GRID2IP: variants seen among roughly 807,000 people sequenced by gnomAD.
GRID2IP encodes the protein Grid2 interacting protein.
GRID2IP carries 78 observed loss-of-function variants against 114.3 expected under a neutral mutation model. The observed-to-expected ratio is 0.68, with a 90% CI of 0.57 to 0.82. The LOEUF (loss-of-function observed/expected upper bound fraction) is 0.82, where lower values mean the gene tolerates loss of function less well. GRID2IP is among the 40% of genes least tolerant of loss of function. The pLI is 0.00. For synonymous variants in GRID2IP, 809 were observed against 724.0 expected (o/e 1.12, Z -1.89); for missense variants, 1,727 against 1,678.5 (o/e 1.03, Z -0.51).
chr7:6,549,370 T>C (rs1276558570), intron 1 of GRID2IP, among the ~76,000 whole-genome samples: 1 of 152,236 alleles, frequency 6.6e-6, no homozygotes, highest in Non-Finnish European at 1.5e-5. Flanking sequence ...TGGGTTCTTC[T>C]TGTGGCTAGA....
chr7:6,536,515 C>T lies in GRID2IP; in HGVS notation c.584+3203G>A, dbSNP rs1354293189. Reference sequence around the variant, plus strand: ...GGGGCTGTCCCGGGGGGCAGGCGGGCTGGCCCGGGAGGGGGCAGGAACAGA... The same window carrying T: ...GGGGCTGTCCCGGGGGGCAGGCGGGTTGGCCCGGGAGGGGGCAGGAACAGA... On this transcript the variant is annotated intron_variant, in intron 2 of 21. Transcript: ENST00000457091. The surrounding 1 kb of genome is among the most constrained non-coding windows in gnomAD (Gnocchi z 5.3). Among the ~76,000 whole-genome samples the T allele has an allele frequency of 6.6e-6, 1 of 151,760 alleles. No individual in the cohort carries two copies. Among genetic ancestry groups the T allele is most frequent in the East Asian group, 2.0e-4 (1 of 5,096 alleles).
intron 8 of GRID2IP, among the ~76,000 whole-genome samples, chr7:6,513,566 G>A (rs1779222557): frequency 1.3e-5 from 2 of 152,240 alleles, no homozygotes; most frequent in African/African-American, 4.8e-5. Context: ...AGTACAGAGC[G>A]CAGCCACTGA....
At position 6,521,150 on chromosome 7, in the gene GRID2IP, T is replaced by C. The variant is rs774159590; in HGVS notation, c.1084+279A>G. Reference sequence around the variant, plus strand: ...CACGCCCAGCTAGTTTTTGTATTTTTAGTAGAGACAGAGTTGTGCCATGTT... The same window carrying C: ...CACGCCCAGCTAGTTTTTGTATTTTCAGTAGAGACAGAGTTGTGCCATGTT... On this transcript the variant is annotated intron_variant, in intron 6 of 21. Transcript: ENST00000457091. This position sits in a 1 kb window ranked among gnomAD's most constrained non-coding sequence, Gnocchi z 4.1. Among the ~76,000 whole-genome samples the C allele has an allele frequency of 6.6e-6, 1 of 152,130 alleles. No individual in the cohort carries two copies. The highest frequency in any genetic ancestry group is 1.5e-5 in the Non-Finnish European group (1 of 68,016).
intron 1 of GRID2IP, 36 bp downstream of exon 1, chr7:6,550,972 T>TG: frequency 1.8e-6 from 1 of 565,950 alleles, no homozygotes; most frequent in Non-Finnish European, 2.3e-6. Flanking sequence ...ATGAGCCCCC[T>TG]CCTTCCCGCC....
At position 6,509,225 on chromosome 7, in the gene GRID2IP, G is replaced by C; in HGVS notation, c.1860C>G (p.Ala620=). 1.3e-6 allele frequency: 2 copies of C among 1,506,834 alleles called. No homozygotes were observed. The highest frequency in any genetic ancestry group is 5.0e-5 in the East Asian group (2 of 40,094). 93.3% of individuals were successfully genotyped at this position (1,506,834 alleles called of 1,614,324 possible). A position where few individuals can be genotyped will look rare whatever the true frequency, so the allele number is the denominator to read the frequency against. The change falls in exon 12 of 22, where the codon GCC becomes GCG. Residue 620 remains alanine (A), a synonymous_variant. Transcript: ENST00000457091. This position sits in a 1 kb window ranked among gnomAD's most constrained non-coding sequence, Gnocchi z 4.9. ...CYHPLCSGGL[A]SPSSSESHPY... Reference sequence around the variant, plus strand: ...GGTGGGACTCAGAGCTGCTGGGGGAGGCCAGACCCCCCGAACACAGCGGGT... The same window carrying C: ...GGTGGGACTCAGAGCTGCTGGGGGACGCCAGACCCCCCGAACACAGCGGGT...
intron 4 of GRID2IP, among the ~76,000 whole-genome samples, chr7:6,524,921 T>G (rs942544285): frequency 6.6e-6 from 1 of 151,540 alleles, no homozygotes. Context: ...GGTTTCACCA[T>G]GTTAGCCAGG....
At chr7:6,499,247 T>A (rs1786345074) in intron 20 of GRID2IP, among the ~76,000 whole-genome samples, 1 of 152,090 alleles carries the variant, frequency 6.6e-6, no homozygotes. Context: ...CAGGGTCACA[T>A]CAATTAATGA....
intron 20 of GRID2IP, among the ~76,000 whole-genome samples, chr7:6,499,061 C>A (rs1786341325): frequency 6.6e-6 from 1 of 152,150 alleles, no homozygotes; most frequent in South Asian, 2.1e-4. Flanking sequence ...ATCATTTTTT[C>A]AGCACTTAAA....
At chr7:6,501,648 T>C (rs1786418238) in intron 20 of GRID2IP, 133 bp downstream of exon 20, 1 of 700,802 alleles carries the variant, frequency 1.4e-6, no homozygotes, top group Non-Finnish European at 2.6e-6. Context: ...CCAGGACCCC[T>C]GGGTGCACAG....
chr7:6,502,726 T>C (rs1786452655), intron 18 of GRID2IP, 60 bp downstream of exon 18: 5 of 1,250,630 alleles, frequency 4.0e-6, no homozygotes, highest in Non-Finnish European at 5.7e-6. Flanking sequence ...GAGCTAGGCC[T>C]GGCGTTAGCG....
intron 2 of GRID2IP, 100 bp downstream of exon 2, chr7:6,539,618 C>T: frequency 7.9e-6 from 9 of 1,141,714 alleles, no homozygotes; most frequent in Non-Finnish European, 1.1e-5. Context: ...TCTATTATCT[C>T]CCACCTGGGC....
At chr7:6,500,915 G>A (rs1213615493) in intron 20 of GRID2IP, among the ~76,000 whole-genome samples, 4 of 152,178 alleles carry the variant, frequency 2.6e-5, no homozygotes, top group African/African-American at 9.6e-5. Flanking sequence ...TGGCTGGTAG[G>A]GCCTGACAGG....
At chr7:6,530,649 T>C (rs963893889) in intron 2 of GRID2IP, among the ~76,000 whole-genome samples, 10 of 152,062 alleles carry the variant, frequency 6.6e-5, no homozygotes, top group African/African-American at 2.4e-4. Flanking sequence ...GGTTCCCTGG[T>C]TCAGTATAGG....
At position 6,502,817 on chromosome 7, in the gene GRID2IP, G is replaced by C; in HGVS notation, c.3119C>G (p.Thr1040Ser). The stretch of plus-strand genomic sequence containing the variant: ...CAGAAAGTTGATCTTGAAGCCCGTA[G>C]TCTTGTTGGTTTTGGGCTGTCCATC... ...LNDGQPKTNK[T>S]TGFKINFLTE... is the part of the protein sequence containing the mutation. The change falls in exon 18 of 22, where the codon ACT becomes AGT. Residue 1040 changes from threonine (T) to serine (S), a missense_variant. Thr to Ser is a moderately conservative substitution (Grantham distance 58). Transcript: ENST00000457091. The C allele has an allele frequency of 1.3e-6, 2 of 1,551,986 alleles. No homozygotes were observed. The highest frequency in any genetic ancestry group is 8.7e-7 in the Non-Finnish European group (1 of 1,146,974).
At position 6,528,931 on chromosome 7, in the gene GRID2IP, A is replaced by G. The variant is rs147028751; in HGVS notation, c.585-2162T>C. ...CCAGATGGTCATTTAAGGTCTCCAGAGCCTGACCGCTCCATCTGCCAGGCC... is the reference window on the plus strand; with the variant it reads ...CCAGATGGTCATTTAAGGTCTCCAGGGCCTGACCGCTCCATCTGCCAGGCC... On this transcript the variant is annotated intron_variant, in intron 2 of 21. Transcript: ENST00000457091. The surrounding 1 kb of genome is among the most constrained non-coding windows in gnomAD (Gnocchi z 6.0). Among the ~76,000 whole-genome samples the G allele has an allele frequency of 0.024, 3,636 of 152,186 alleles. 78 individuals are homozygous for G. The highest frequency in any genetic ancestry group is 0.041 in the Middle Eastern group (12 of 294).
At chr7:6,504,607 G>A (rs1441837223) in intron 15 of GRID2IP, among the ~76,000 whole-genome samples, 186 bp downstream of exon 15, 1 of 152,130 alleles carries the variant, frequency 6.6e-6, no homozygotes, top group East Asian at 1.9e-4. Flanking sequence ...TGAGGGTGGG[G>A]CCAGCACCCG....
At chr7:6,548,481 C>T (rs1364721659) in intron 1 of GRID2IP, among the ~76,000 whole-genome samples, 1 of 152,136 alleles carries the variant, frequency 6.6e-6, no homozygotes, top group African/African-American at 2.4e-5. Flanking sequence ...ATTAGAGTAT[C>T]TCAGATACCC....
At chr7:6,530,388 C>A (rs993211733) in intron 2 of GRID2IP, among the ~76,000 whole-genome samples, 2 of 151,990 alleles carry the variant, frequency 1.3e-5, no homozygotes, top group Admixed American at 1.3e-4. Flanking sequence ...CTCAGCCTCT[C>A]GAGTATCTGG....
chr7:6,536,613 G>T lies in GRID2IP; in HGVS notation c.584+3105C>A, dbSNP rs1779728151. On this transcript the variant is annotated intron_variant, in intron 2 of 21. Coordinates refer to ENST00000457091, the MANE Select transcript of GRID2IP (RefSeq NM_001145118.2). The surrounding 1 kb of genome is among the most constrained non-coding windows in gnomAD (Gnocchi z 5.3). ...GCCCGGCTGCCAGCAGCCGGGAGAC[G>T]AGCGAGCCAACTTCCTGGGGGACAG... 6.6e-6 allele frequency among the ~76,000 whole-genome samples: 1 copy of T among 151,942 alleles called. No individual in the cohort carries two copies. The highest frequency in any genetic ancestry group is 1.5e-5 in the Non-Finnish European group (1 of 67,938).
Sources: gnomAD v4.1 joint callset for allele counts (sites outside exome capture counted in the v4.1 genomes callset) on GRCh38, gnomAD v4.1.1 for gene constraint, Gnocchi (gnomAD v3.1) non-coding constraint, MANE v1.5 for transcripts, NCBI Gene and HGNC (gene_info 2026-07-23, HGNC 2026-07-21) for gene names.